Variants in CADM4 observed in about 807,000 individuals in gnomAD.
CADM4 encodes the protein TSLC1-like 2.
Under a neutral mutation model 43.9 loss-of-function variants are expected in CADM4, and 13 were observed. The observed-to-expected ratio is 0.30, with a 90% CI of 0.19 to 0.47. The LOEUF is 0.47. Among genes scored for constraint, CADM4 ranks in the 20% least tolerant of loss-of-function variants. CADM4 has a pLI of 1.00. For synonymous variants in CADM4, 209 were observed against 220.9 expected (o/e 0.95, Z 0.48); for missense variants, 420 against 527.0 (o/e 0.80, Z 1.99).
chr19:43,625,364 G>A lies in CADM4; in HGVS notation c.756-114C>T. On this transcript the variant is annotated intron_variant, in intron 6 of 8. Transcript: ENST00000222374. The surrounding 1 kb of genome is among the most constrained non-coding windows in gnomAD (Gnocchi z 4.5). ...ATCCCGCAGGGACCTCCAAATAAGA[G>A]GCTTCCTGCTATCTCTTTCCTTTCT... 3 of 1,038,616 alleles carry A rather than the reference G, an allele frequency of 2.9e-6. No individual in the cohort carries two copies. Among genetic ancestry groups the A allele is most frequent in the Non-Finnish European group, 4.1e-6 (3 of 731,344 alleles). 64.3% of individuals were successfully genotyped at this position (1,038,616 alleles called of 1,614,324 possible).
In CADM4 at chr19:43,623,553, G is replaced by A. The variant is rs1973473792; in HGVS notation, c.1058-114C>T. 2 of 745,854 alleles carry A rather than the reference G, an allele frequency of 2.7e-6. No homozygotes were observed. The highest frequency in any genetic ancestry group is 4.9e-6 in the Non-Finnish European group (2 of 409,836). 46.2% of individuals were successfully genotyped at this position (745,854 alleles called of 1,614,324 possible). On this transcript the variant is annotated intron_variant, in intron 8 of 8. Transcript: ENST00000222374. This position sits in a 1 kb window ranked among gnomAD's most constrained non-coding sequence, Gnocchi z 4.4. ...AAGACACATGCCAGGCGAAGGAAGA[G>A]GGAGAAACGGAACACACAGGGAGAG... is the stretch of plus-strand genomic sequence containing the variant.
At chr19:43,630,045 A>G (rs1052267734) in intron 1 of CADM4, among the ~76,000 whole-genome samples, 1 of 151,756 alleles carries the variant, frequency 6.6e-6, no homozygotes, top group Non-Finnish European at 1.5e-5. Flanking sequence ...AGCTGGAACT[A>G]CAGGTGCACA....
In CADM4 at chr19:43,626,712, T is replaced by C; in HGVS notation, c.499+72A>G. ...AGTGTCTGTGAAAACCTGTGGCTCC[T>C]CTCCACATATAAACAACCTCTCCTA... is the stretch of plus-strand genomic sequence containing the variant. On this transcript the variant is annotated intron_variant, in intron 4 of 8. Transcript: ENST00000222374. The surrounding 1 kb of genome is among the most constrained non-coding windows in gnomAD (Gnocchi z 5.9). 2 of 1,476,196 alleles carry C rather than the reference T, an allele frequency of 1.4e-6. No homozygotes were observed. Among genetic ancestry groups the C allele is most frequent in the South Asian group, 1.4e-5 (1 of 71,344 alleles). 91.4% of individuals were successfully genotyped at this position (1,476,196 alleles called of 1,614,324 possible).
In CADM4 at chr19:43,626,024, G is replaced by A. The variant is rs371981353; in HGVS notation, c.665-23C>T. On this transcript the variant is annotated intron_variant, in intron 5 of 8. Coordinates refer to ENST00000222374, the MANE Select transcript of CADM4 (RefSeq NM_145296.2). This position sits in a 1 kb window ranked among gnomAD's most constrained non-coding sequence, Gnocchi z 5.9. ...AGTCTGTTAGGCAAAAGTAAGAGGA[G>A]AGAGTAGTTTCCAAGCCATCACGCA... 3 of 1,614,036 alleles carry A rather than the reference G, an allele frequency of 1.9e-6. No homozygotes were observed. The highest frequency in any genetic ancestry group is 1.1e-5 in the South Asian group (1 of 91,076).
At position 43,627,031 on chromosome 19, in the gene CADM4, G is replaced by A. The variant is rs536224452; in HGVS notation, c.365-113C>T. The stretch of plus-strand genomic sequence containing the variant: ...GGGAACCAGGGTCCCAGGTGGCAGG[G>A]GTCAAAGGGGAGAGGTCAGGAGCCA... On this transcript the variant is annotated intron_variant, in intron 3 of 8. Transcript: ENST00000222374. The surrounding 1 kb of genome is among the most constrained non-coding windows in gnomAD (Gnocchi z 4.0). The A allele has an allele frequency of 5.8e-5, 86 of 1,485,754 alleles. No individual in the cohort carries two copies. Among genetic ancestry groups the A allele is most frequent in the Non-Finnish European group, 7.2e-5 (80 of 1,109,880 alleles). 92.0% of individuals were successfully genotyped at this position (1,485,754 alleles called of 1,614,324 possible).
intron 1 of CADM4, among the ~76,000 whole-genome samples, chr19:43,628,049 G>C (rs975522614): frequency 6.6e-6 from 1 of 152,126 alleles, no homozygotes; most frequent in Non-Finnish European, 1.5e-5. Context: ...CCAGAGCAAG[G>C]GAGGACTATT....
In CADM4 at chr19:43,626,717, A is replaced by T; in HGVS notation, c.499+67T>A. 1 of 1,486,438 alleles carries T rather than the reference A, an allele frequency of 6.7e-7. No individual in the cohort carries two copies. The highest frequency in any genetic ancestry group is 9.0e-7 in the Non-Finnish European group (1 of 1,115,062). The allele number at this position is 1,486,438 out of a possible 1,614,324, so 92.1% of individuals were successfully genotyped here. A position where few individuals can be genotyped will look rare whatever the true frequency, so the allele number is the denominator to read the frequency against. ...CTGTGAAAACCTGTGGCTCCTCTCC[A>T]CATATAAACAACCTCTCCTAAGTCC... On this transcript the variant is annotated intron_variant, in intron 4 of 8. Transcript: ENST00000222374. The surrounding 1 kb of genome is among the most constrained non-coding windows in gnomAD (Gnocchi z 5.9).
intron 1 of CADM4, among the ~76,000 whole-genome samples, chr19:43,628,931 G>T (rs1171426960): frequency 6.6e-6 from 1 of 152,220 alleles, no homozygotes. Flanking sequence ...ACCAATAAAA[G>T]ATCTGCCCAT....
intron 1 of CADM4, among the ~76,000 whole-genome samples, chr19:43,637,771 T>C (rs1289504588): frequency 6.6e-6 from 1 of 152,142 alleles, no homozygotes; most frequent in Non-Finnish European, 1.5e-5. Context: ...GGATTCTAAA[T>C]GTCATAGATG....
In CADM4 at chr19:43,639,789, A is replaced by ATGG. The variant is rs1223483682; in HGVS notation, c.-2_1dup (p.Ile1_?0). 2.0e-6 allele frequency: 2 copies of ATGG among 1,003,212 alleles called. No homozygotes were observed. Among genetic ancestry groups the ATGG allele is most frequent in the Non-Finnish European group, 2.4e-6 (2 of 846,148 alleles). 62.1% of individuals were successfully genotyped at this position (1,003,212 alleles called of 1,614,324 possible). A position where few individuals can be genotyped will look rare whatever the true frequency, so the allele number is the denominator to read the frequency against. ...CCACTGGAAGCGCCGGGCCCGGCCC[A>ATGG]TGGTGCCGCCGCCGCCGCCGCCGCC... On this transcript the variant is annotated start_lost and start_retained_variant, in exon 1 of 9. Coordinates refer to ENST00000222374, the MANE Select transcript of CADM4 (RefSeq NM_145296.2).
At chr19:43,639,207 G>T (rs1235310162) in intron 1 of CADM4, among the ~76,000 whole-genome samples, 2 of 151,694 alleles carry the variant, frequency 1.3e-5, no homozygotes, top group African/African-American at 4.8e-5. Context: ...ATGATGGAGG[G>T]GACAGAGTGA....
rs1453481932 is a variant in CADM4, at chr19:43,626,825, G to A, written c.458C>T (p.Ala153Val). 2 of 1,610,068 alleles carry A rather than the reference G, an allele frequency of 1.2e-6. No individual in the cohort carries two copies. Residue 153 changes from alanine to valine, a missense_variant, in exon 4 of 9, where the codon GCT (alanine) becomes GTT (valine). Ala to Val is a moderately conservative substitution (Grantham distance 64). Coordinates refer to ENST00000222374, the MANE Select transcript of CADM4 (RefSeq NM_145296.2). The surrounding 1 kb of genome is among the most constrained non-coding windows in gnomAD (Gnocchi z 5.9). ...GTCCCGGTACCAGCGCAGGGTGGCA[G>A]CCGGACGGGACCGCGGAACGAGGCA... ...LSCLVPRSRP[A>V]ATLRWYRDRK... is the part of the protein sequence containing the mutation.
chr19:43,626,064 C>G lies in CADM4; in HGVS notation c.664+60G>C. On this transcript the variant is annotated intron_variant, in intron 5 of 8. Transcript: ENST00000222374. This position sits in a 1 kb window ranked among gnomAD's most constrained non-coding sequence, Gnocchi z 5.9. ...GCCATCACGCAGGACAAGGGGGACC[C>G]TCGCGGGTGCGGGTGGCTGGCGTTG... 1 of 1,612,340 alleles carries G rather than the reference C, an allele frequency of 6.2e-7. No individual in the cohort carries two copies. The highest frequency in any genetic ancestry group is 1.7e-5 in the Admixed American group (1 of 59,818).
chr19:43,625,059 G>A lies in CADM4; in HGVS notation c.928+19C>T, dbSNP rs752610971. 1 of 1,223,046 alleles carries A rather than the reference G, an allele frequency of 8.2e-7. No homozygotes were observed. Among genetic ancestry groups the A allele is most frequent in the Non-Finnish European group, 1.1e-6 (1 of 946,574 alleles). The allele number at this position is 1,223,046 out of a possible 1,614,324, so 75.8% of individuals were successfully genotyped here. On this transcript the variant is annotated intron_variant, in intron 7 of 8. Transcript: ENST00000222374. This position sits in a 1 kb window ranked among gnomAD's most constrained non-coding sequence, Gnocchi z 4.5. Reference sequence around the variant, plus strand: ...TGGCGCCCCGCCCCCGCCCTCAGTCGGCCGCAGCCTGCTCTCACCGTAGAC... The same window carrying A: ...TGGCGCCCCGCCCCCGCCCTCAGTCAGCCGCAGCCTGCTCTCACCGTAGAC...
rs1258027834 is a variant in CADM4, at chr19:43,627,141, C to T, written c.364+25G>A. Reference sequence around the variant, plus strand: ...GCAGAGAAGAAAGGAGGAGAGGATGCGTCTGACAAGGGGGAGGGCGTTACC... The same window carrying T: ...GCAGAGAAGAAAGGAGGAGAGGATGTGTCTGACAAGGGGGAGGGCGTTACC... On this transcript the variant is annotated intron_variant, in intron 3 of 8. Coordinates refer to ENST00000222374, the MANE Select transcript of CADM4 (RefSeq NM_145296.2). The surrounding 1 kb of genome is among the most constrained non-coding windows in gnomAD (Gnocchi z 4.0). 1 of 1,537,326 alleles carries T rather than the reference C, an allele frequency of 6.5e-7. No individual in the cohort carries two copies. Among genetic ancestry groups the T allele is most frequent in the Non-Finnish European group, 8.8e-7 (1 of 1,138,266 alleles).
chr19:43,636,577 G>C (rs1293156178), intron 1 of CADM4, among the ~76,000 whole-genome samples: 1 of 152,128 alleles, frequency 6.6e-6, no homozygotes, highest in Non-Finnish European at 1.5e-5. Context: ...ATTGGATGCT[G>C]GCGGGTCTGA....
rs1973472582 is a variant in CADM4 at position 43,623,466 on chromosome 19, A to AG, written c.1058-28dup. ...TGAGGGGGTGACAGACCCCCGGGGC[A>AG]GGGGGGACATATTTGTGGATCCAGG... On this transcript the variant is annotated intron_variant, in intron 8 of 8. Transcript: ENST00000222374. The surrounding 1 kb of genome is among the most constrained non-coding windows in gnomAD (Gnocchi z 4.4). 4 of 1,421,038 alleles carry AG rather than the reference A, an allele frequency of 2.8e-6. No individual in the cohort carries two copies. The highest frequency in any genetic ancestry group is 4.0e-6 in the Non-Finnish European group (4 of 1,004,380). 88.0% of individuals were successfully genotyped at this position (1,421,038 alleles called of 1,614,324 possible).
chr19:43,626,889 G>A lies in CADM4; in HGVS notation c.394C>T (p.Arg132Trp). 1.2e-6 allele frequency: 2 copies of A among 1,606,720 alleles called. No homozygotes were observed. Among genetic ancestry groups the A allele is most frequent in the South Asian group, 1.1e-5 (1 of 90,850 alleles). The change falls in exon 4 of 9, where the codon CGG (arginine) becomes TGG (tryptophan). Residue 132 changes from arginine (R) to tryptophan (W), a missense_variant. Transcript: ENST00000222374. The surrounding 1 kb of genome is among the most constrained non-coding windows in gnomAD (Gnocchi z 5.9). ...TCGCCGCCCTCTACCGCCTGCTCCC[G>A]GACCTCCACCACAGGATTCTCTGGG... ...VAPENPVVEV[R>W]EQAVEGGEVE...
At position 43,624,220 on chromosome 19, in the gene CADM4, A is replaced by G; in HGVS notation, c.951T>C (p.Ala317=). The G allele has an allele frequency of 1.2e-6, 2 of 1,614,194 alleles. No homozygotes were observed. The highest frequency in any genetic ancestry group is 1.7e-6 in the Non-Finnish European group (2 of 1,180,034). Residue 317 remains alanine (A), a synonymous_variant, in exon 8 of 9, where the codon GCT becomes GCC. Coordinates refer to ENST00000222374, the MANE Select transcript of CADM4 (RefSeq NM_145296.2). ...CAATGGCATAGGGAACCGACGTCTG[A>G]GCCTCTACCACCGCACCAGGGTCTG... ...VVYDPGAVVE[A]QTSVPYAIVG...
Sources: gnomAD v4.1 joint callset for allele counts (sites outside exome capture counted in the v4.1 genomes callset) on GRCh38, gnomAD v4.1.1 for gene constraint, Gnocchi (gnomAD v3.1) non-coding constraint, MANE v1.5 for transcripts, NCBI Gene and HGNC (gene_info 2026-07-23, HGNC 2026-07-21) for gene names.